The following VAMP7 variants were observed in gnomAD, a reference collection of about 807,000 sequenced individuals.
The protein encoded by VAMP7 is vesicle-associated membrane protein 7.
Under a neutral mutation model 29.6 loss-of-function variants are expected in VAMP7, and 14 were observed. The ratio of observed to expected loss-of-function variants is 0.47; its 90% CI spans 0.31 to 0.74. VAMP7 has a LOEUF of 0.74. VAMP7 is among the 30% of genes least tolerant of loss of function. VAMP7 has a pLI of 0.05. For synonymous variants in VAMP7, 95 were observed against 88.1 expected, an observed-to-expected ratio of 1.08 and a Z score of -0.44; for missense variants, 223 against 262.4, an observed-to-expected ratio of 0.85 and a Z score of 1.04.
chrX:155,941,974 C>A lies in VAMP7; in HGVS notation c.*23C>A, dbSNP rs750865861. 2.5e-6 allele frequency: 4 copies of A among 1,613,696 alleles called. No homozygotes were observed. Among genetic ancestry groups the A allele is most frequent in the Non-Finnish European group, 3.4e-6 (4 of 1,179,788 alleles). ...TAGGAAAGAAGAAGTTACCATTAACCAAGGATATGAGAGAACAAGGAGTTA... is the reference window on the plus strand; with the variant it reads ...TAGGAAAGAAGAAGTTACCATTAACAAAGGATATGAGAGAACAAGGAGTTA... On this transcript the variant is annotated 3_prime_UTR_variant, in exon 8 of 8. Coordinates refer to ENST00000286448, the MANE Select transcript of VAMP7 (RefSeq NM_005638.6).
intron 3 of VAMP7, among the ~76,000 whole-genome samples, chrX:155,897,345 C>T (rs190496547): frequency 3.3e-5 from 5 of 152,198 alleles, no homozygotes; most frequent in African/African-American, 1.2e-4. Context: ...AGGGAAATGA[C>T]TGTCAACCAT....
At chrX:155,928,123 A>G (rs1018739684) in intron 6 of VAMP7, among the ~76,000 whole-genome samples, 2 of 151,598 alleles carry the variant, frequency 1.3e-5, no homozygotes, top group Non-Finnish European at 2.9e-5. Flanking sequence ...GGGTCTCCCT[A>G]TGTTGCTCTG....
At chrX:155,910,450 C>A (rs1305812586) in intron 5 of VAMP7, among the ~76,000 whole-genome samples, 12 of 152,134 alleles carry the variant, frequency 7.9e-5, no homozygotes, top group Admixed American at 5.2e-4. Context: ...ACACTGATTT[C>A]TTTTCCTTTG....
At chrX:155,921,165 T>C (rs2066390505) in intron 6 of VAMP7, among the ~76,000 whole-genome samples, 1 of 152,198 alleles carries the variant, frequency 6.6e-6, no homozygotes, top group African/African-American at 2.4e-5. Context: ...ATCTGTACTT[T>C]ACAAATAAAA....
chrX:155,941,475 C>T (rs972596084), intron 7 of VAMP7, among the ~76,000 whole-genome samples: 20 of 151,968 alleles, frequency 1.3e-4, no homozygotes, highest in Admixed American at 1.3e-4. Context: ...TTATATTAAT[C>T]AAAAATAAAA....
rs1259919655 is a variant in VAMP7 at position 155,937,357 on chromosome X, A to G, written c.502-2344A>G. 2.0e-5 allele frequency among the ~76,000 whole-genome samples: 3 copies of G among 152,326 alleles called. No individual in the cohort carries two copies. In the East Asian group the frequency reaches 5.8e-4, roughly 29 times the overall value. On this transcript the variant is annotated intron_variant, in intron 6 of 7. Coordinates refer to ENST00000286448, the MANE Select transcript of VAMP7 (RefSeq NM_005638.6). ...ACCGGACATACAGCATGGCAACTAT[A>G]GTTAATAATAATGTATTGAATATTT...
Position 155,889,474 on chromosome X carries a change from T to C in VAMP7, c.8T>C (p.Ile3Thr). The C allele has an allele frequency of 6.2e-7, 1 of 1,613,442 alleles. No homozygotes were observed. Among genetic ancestry groups the C allele is most frequent in the Admixed American group, 1.7e-5 (1 of 59,968 alleles). Residue 3 changes from isoleucine to threonine, a missense_variant, in exon 2 of 8, where the codon ATT becomes ACT. By Grantham distance (89) the Ile-to-Thr change is moderately conservative. Coordinates refer to ENST00000286448, the MANE Select transcript of VAMP7 (RefSeq NM_005638.6). MA[I>T]LFAVVARGTT... ...TTTTGATAGACTGAAGCCATGGCGA[T>C]TCTTTTTGCTGTTGTTGCCAGGGGG...
intron 3 of VAMP7, 77 bp from the exon 4 acceptor site, chrX:155,898,032 GTTT>G (rs1156333802): frequency 2.5e-5 from 38 of 1,534,796 alleles, no homozygotes; most frequent in Middle Eastern, 1.8e-4. Flanking sequence ...AATGTTAGCT[GTTT>G]TTTATTGTTG....
chrX:155,928,922 C>CT (rs1420685778), intron 6 of VAMP7, among the ~76,000 whole-genome samples: 1 of 152,216 alleles, frequency 6.6e-6, no homozygotes, highest in Admixed American at 6.5e-5. Flanking sequence ...TCTACATCAT[C>CT]TTTCTCTTTC....
At chrX:155,934,214 G>T (rs1349703073) in intron 6 of VAMP7, among the ~76,000 whole-genome samples, 2 of 152,124 alleles carry the variant, frequency 1.3e-5, no homozygotes, top group East Asian at 3.9e-4. Flanking sequence ...TGTCTGTTAG[G>T]TCCGCTTGGT....
intron 5 of VAMP7, among the ~76,000 whole-genome samples, chrX:155,918,225 G>A (rs2066340795): frequency 6.6e-6 from 1 of 152,164 alleles, no homozygotes; most frequent in Admixed American, 6.5e-5. Flanking sequence ...TCAAGCCAGT[G>A]GATCTTAGCC....
intron 5 of VAMP7, among the ~76,000 whole-genome samples, chrX:155,907,395 G>A (rs904225009): frequency 3.3e-5 from 5 of 152,010 alleles, no homozygotes; most frequent in Non-Finnish European, 5.9e-5. Flanking sequence ...AAGGTCTCTG[G>A]TTTTCCTAGG....
chrX:155,897,369 A>G (rs2066001086), intron 3 of VAMP7, among the ~76,000 whole-genome samples: 1 of 152,164 alleles, frequency 6.6e-6, no homozygotes, highest in Non-Finnish European at 1.5e-5. Flanking sequence ...GATCATCACA[A>G]TGATTTTTAT....
At chrX:155,908,953 G>T (rs1421738057) in intron 5 of VAMP7, among the ~76,000 whole-genome samples, 1 of 151,904 alleles carries the variant, frequency 6.6e-6, no homozygotes, top group Non-Finnish European at 1.5e-5. Context: ...CCAAGCAGCT[G>T]GGACTGCAGG....
chrX:155,895,716 G>T, intron 3 of VAMP7, 36 bp downstream of exon 3: 1 of 1,568,028 alleles, frequency 6.4e-7, no homozygotes, highest in Non-Finnish European at 8.8e-7. Context: ...ATTTAACTAT[G>T]TGTACTGTTA....
intron 5 of VAMP7, among the ~76,000 whole-genome samples, chrX:155,905,365 G>C (rs1012003190): frequency 1.4e-4 from 22 of 152,016 alleles, no homozygotes; most frequent in Non-Finnish European, 5.9e-5. Flanking sequence ...GCTCTATTCT[G>C]TGAGTTGTCT....
chrX:155,914,026 T>C (rs1490955030), intron 5 of VAMP7, among the ~76,000 whole-genome samples: 1 of 152,198 alleles, frequency 6.6e-6, no homozygotes, highest in Non-Finnish European at 1.5e-5. Context: ...TTGTGTCCTC[T>C]CTTATTTCCT....
At chrX:155,882,881 A>C (rs909599926) in intron 1 of VAMP7, among the ~76,000 whole-genome samples, 2 of 152,208 alleles carry the variant, frequency 1.3e-5, no homozygotes, top group Non-Finnish European at 2.9e-5. Context: ...CCTCTCTTCC[A>C]AGGAGAAATA....
At chrX:155,931,655 T>A (rs769105938) in intron 6 of VAMP7, among the ~76,000 whole-genome samples, 1 of 152,334 alleles carries the variant, frequency 6.6e-6, no homozygotes, top group East Asian at 1.9e-4. Flanking sequence ...TCTCCCACTC[T>A]GTAGGTTGCC....
Sources: allele counts gnomAD v4.1 joint callset (sites outside exome capture counted in the v4.1 genomes callset), GRCh38; gene constraint gnomAD v4.1.1; transcripts MANE v1.5; gene names NCBI Gene and HGNC (gene_info 2026-07-23, HGNC 2026-07-21).